ARHGEF6: variants seen among roughly 807,000 people sequenced by gnomAD.
The protein encoded by ARHGEF6 is rho guanine nucleotide exchange factor 6.
ARHGEF6 carries 9 observed loss-of-function variants against 70.3 expected under a neutral mutation model. The observed-to-expected ratio is 0.13, with a 90% CI of 0.08 to 0.22. The LOEUF is 0.22. ARHGEF6 is among the 10% of genes least tolerant of loss of function. The pLI is 1.00. For missense variants in ARHGEF6, 470 were observed against 563.0 expected (o/e 0.83, Z 1.67); for synonymous variants, 201 against 207.8 (o/e 0.97, Z 0.28).
chrX:136,705,449 T>C (rs2076617177), intron 9 of ARHGEF6, among the ~76,000 whole-genome samples: 1 of 112,120 alleles, frequency 8.9e-6, no homozygotes, highest in Admixed American at 9.4e-5. Flanking sequence ...ATATATGTCT[T>C]AATAAAAATA....
At chrX:136,777,015 A>G (rs959696009) in intron 2 of ARHGEF6, among the ~76,000 whole-genome samples, 1 of 112,045 alleles carries the variant, frequency 8.9e-6, no homozygotes, top group Non-Finnish European at 1.9e-5. Flanking sequence ...ACCTGAGGTC[A>G]GGAGTTTGAG....
Position 136,777,128 on chromosome X carries a change from G to A in ARHGEF6, c.249+2286C>T, listed in dbSNP as rs759030864. ...TATTCCCAGCTACTCAGGAGGCTGA[G>A]GCAGGAGAATCGCTGGAACCAGGGA... is the stretch of plus-strand genomic sequence containing the variant. On this transcript the variant is annotated intron_variant, in intron 2 of 21. Coordinates refer to ENST00000250617, the MANE Select transcript of ARHGEF6 (RefSeq NM_004840.3). Among the ~76,000 whole-genome samples the A allele has an allele frequency of 9.0e-5, 10 of 111,142 alleles. No homozygotes were observed. In the East Asian group the frequency reaches 2.8e-3, roughly 31 times the overall value.
intron 19 of ARHGEF6, among the ~76,000 whole-genome samples, chrX:136,672,333 C>T (rs147636535): frequency 0.014 from 1,508 of 111,473 alleles, 13 homozygotes; most frequent in Non-Finnish European, 0.022. Flanking sequence ...ATTCAATCTT[C>T]CCGAGGTGGG....
At position 136,769,707 on chromosome X, in the gene ARHGEF6, A is replaced by G. The variant is rs191456931; in HGVS notation, c.249+9707T>C. On this transcript the variant is annotated intron_variant, in intron 2 of 21. Transcript: ENST00000250617. ...GGTGTCCCCAACTCTCAGCAACTTCAGGGGCAACACAAAAATAAAACTGCC... is the reference window on the plus strand; with the variant it reads ...GGTGTCCCCAACTCTCAGCAACTTCGGGGGCAACACAAAAATAAAACTGCC... Among the ~76,000 whole-genome samples the G allele has an allele frequency of 6.2e-3, 698 of 111,743 alleles. 6 individuals are homozygous for G. The highest frequency in any genetic ancestry group is 0.02 in the African/African-American group (608 of 30,764).
intron 2 of ARHGEF6, chrX:136,767,539 C>A (rs2077329324): frequency 2.7e-6 from 2 of 753,536 alleles, no homozygotes; most frequent in African/African-American, 2.3e-5. Flanking sequence ...TGCCGCTCGG[C>A]GGGCGGAGGA....
chrX:136,690,380 G>A (rs1016044251), intron 10 of ARHGEF6, among the ~76,000 whole-genome samples: 5 of 110,935 alleles, frequency 4.5e-5, no homozygotes. Flanking sequence ...GAAGAGAAGA[G>A]CGAAAAGGGA....
intron 1 of ARHGEF6, among the ~76,000 whole-genome samples, chrX:136,779,741 C>G (rs2077432780): frequency 9.0e-6 from 1 of 111,710 alleles, no homozygotes; most frequent in African/African-American, 3.3e-5. Flanking sequence ...TTCTCTCATG[C>G]CTTCTGTTCC....
chrX:136,741,792 A>G (rs936522422), intron 5 of ARHGEF6, among the ~76,000 whole-genome samples: 3 of 111,630 alleles, frequency 2.7e-5, no homozygotes, highest in African/African-American at 9.8e-5. Flanking sequence ...CTGCCTCCAA[A>G]TATTCACATA....
intron 11 of ARHGEF6, among the ~76,000 whole-genome samples, chrX:136,686,738 C>A (rs868409146): frequency 1.5e-3 from 109 of 74,775 alleles, no homozygotes; most frequent in African/African-American, 4.7e-3. Context: ...ATATATATAT[C>A]TCACTGCTTA....
intron 9 of ARHGEF6, among the ~76,000 whole-genome samples, chrX:136,701,265 G>T (rs1200229336): frequency 1.8e-5 from 2 of 111,348 alleles, no homozygotes; most frequent in Non-Finnish European, 3.8e-5. Flanking sequence ...TGCTGATCCA[G>T]GTATCTCAGA....
chrX:136,665,845 A>G lies in ARHGEF6; in HGVS notation c.*2184T>C, dbSNP rs996307749. 8.9e-6 allele frequency: 1 copy of G among 112,415 alleles called. No homozygotes were observed. The highest frequency in any genetic ancestry group is 3.2e-5 in the African/African-American group (1 of 30,816). The allele number at this position is 112,415 out of a possible 1,213,427, so 9.3% of individuals were successfully genotyped here. ...ACTCTGCACAAGCTTCGTTATCCAG[A>G]GTACCGAGGGCCCCTCATCAGAAGG... On this transcript the variant is annotated 3_prime_UTR_variant, in exon 22 of 22. Transcript: ENST00000250617.
At chrX:136,704,934 T>C (rs934184482) in intron 9 of ARHGEF6, among the ~76,000 whole-genome samples, 1 of 112,112 alleles carries the variant, frequency 8.9e-6, no homozygotes, top group Non-Finnish European at 1.9e-5. Flanking sequence ...TAACAAATGT[T>C]TGGTGAGGGT....
intron 2 of ARHGEF6, among the ~76,000 whole-genome samples, chrX:136,762,186 T>C (rs938770673): frequency 1.8e-5 from 2 of 112,479 alleles, no homozygotes; most frequent in Admixed American, 1.9e-4. Flanking sequence ...AGTGCTGGGA[T>C]TACAGGCGTA....
intron 2 of ARHGEF6, among the ~76,000 whole-genome samples, chrX:136,766,779 T>C (rs1045532468): frequency 1.8e-5 from 2 of 112,605 alleles, no homozygotes; most frequent in Admixed American, 1.9e-4. Context: ...TCTCCAAATG[T>C]ATGGATGCTC....
At position 136,676,999 on chromosome X, in the gene ARHGEF6, T is replaced by C. The variant is rs185950561; in HGVS notation, c.1852-282A>G. 3.6e-5 allele frequency among the ~76,000 whole-genome samples: 4 copies of C among 112,523 alleles called. No individual in the cohort carries two copies. The East Asian group carries it at 1.1e-3, about 31-fold the overall frequency. ...CAGATTCTCCAGGAGGCCAAATGGC[T>C]TTAGGGAACCATCTGCAGAGAAAGT... On this transcript the variant is annotated intron_variant, in intron 17 of 21. Coordinates refer to ENST00000250617, the MANE Select transcript of ARHGEF6 (RefSeq NM_004840.3).
chrX:136,779,132 G>T (rs2077428206), intron 2 of ARHGEF6, among the ~76,000 whole-genome samples: 1 of 111,907 alleles, frequency 8.9e-6, no homozygotes. Flanking sequence ...CTTAGTAGGA[G>T]AACACACCCA....
chrX:136,717,366 G>A (rs1488434156), intron 6 of ARHGEF6, among the ~76,000 whole-genome samples: 3 of 111,498 alleles, frequency 2.7e-5, no homozygotes, highest in Admixed American at 9.5e-5. Context: ...TGTATCTTGT[G>A]AAATTATCCT....
intron 2 of ARHGEF6, among the ~76,000 whole-genome samples, chrX:136,758,152 G>A (rs2077229722): frequency 2.2e-5 from 2 of 91,649 alleles, no homozygotes; most frequent in South Asian, 5.7e-4. Flanking sequence ...CTGGGTTCAC[G>A]CCATTCTCCT....
At chrX:136,674,417 T>C (rs919070609) in intron 19 of ARHGEF6, among the ~76,000 whole-genome samples, 4 of 112,436 alleles carry the variant, frequency 3.6e-5, no homozygotes, top group African/African-American at 1.3e-4. Flanking sequence ...TCAGAAAATA[T>C]TATCTTGCTT....
Sources: allele counts gnomAD v4.1 joint callset (sites outside exome capture counted in the v4.1 genomes callset), GRCh38; gene constraint gnomAD v4.1.1; transcripts MANE v1.5; gene names NCBI Gene and HGNC (gene_info 2026-07-23, HGNC 2026-07-21).